SNTG1: variants seen among roughly 807,000 people sequenced by gnomAD.
The protein encoded by SNTG1 is syntrophin gamma 1.
SNTG1 carries 39 observed loss-of-function variants against 74.7 expected under a neutral mutation model. The ratio of observed to expected loss-of-function variants is 0.52; its 90% CI spans 0.40 to 0.68. The LOEUF (loss-of-function observed/expected upper bound fraction) is 0.68. Ranked by LOEUF, SNTG1 falls within the 30% of genes least tolerant of loss-of-function variation. SNTG1 has a pLI of 0.00. For missense variants in SNTG1, 685 were observed against 609.5 expected (o/e 1.12, Z -1.30); for synonymous variants, 254 against 217.1 (o/e 1.17, Z -1.49).
intron 11 of SNTG1, among the ~76,000 whole-genome samples, chr8:50,541,549 G>A (rs907348183): frequency 2.0e-5 from 3 of 151,884 alleles, no homozygotes; most frequent in East Asian, 1.9e-4. Context: ...CATAATAGAT[G>A]CATAGTTTTA....
chr8:50,716,575 TG>T (rs1450728972), intron 17 of SNTG1, among the ~76,000 whole-genome samples: 5 of 152,238 alleles, frequency 3.3e-5, no homozygotes, highest in Admixed American at 2.0e-4. Context: ...CTCAGGTACT[TG>T]TTTCCTAATC....
intron 14 of SNTG1, among the ~76,000 whole-genome samples, chr8:50,657,787 A>T (rs1311391739): frequency 6.6e-6 from 1 of 152,108 alleles, no homozygotes; most frequent in Non-Finnish European, 1.5e-5. Flanking sequence ...TATATTCTAT[A>T]TCCTAGTTAT....
chr8:50,622,386 A>G (rs7002065), intron 13 of SNTG1, among the ~76,000 whole-genome samples: 16,082 of 152,234 alleles, frequency 0.11, 2,066 homozygotes, highest in African/African-American at 0.29. Context: ...GTTTAATAAC[A>G]TACTTTGATA....
At chr8:50,455,306 G>A (rs1030810110) in intron 8 of SNTG1, among the ~76,000 whole-genome samples, 7 of 152,090 alleles carry the variant, frequency 4.6e-5, no homozygotes, top group Non-Finnish European at 7.4e-5. Context: ...TAGCATTTCT[G>A]CTTTCAGACT....
intron 1 of SNTG1, among the ~76,000 whole-genome samples, chr8:49,949,521 T>C (rs1219378548): frequency 2.0e-5 from 3 of 152,280 alleles, no homozygotes; most frequent in African/African-American, 7.2e-5. Context: ...CATGTGAAAT[T>C]ATTTGGAGTG....
At chr8:50,736,317 C>T (rs765605858) in intron 17 of SNTG1, among the ~76,000 whole-genome samples, 2 of 150,950 alleles carry the variant, frequency 1.3e-5, no homozygotes, top group South Asian at 2.1e-4. Flanking sequence ...ATTAAAAGAT[C>T]AAAAAACACA....
At chr8:50,705,260 C>G (rs1396486460) in intron 16 of SNTG1, among the ~76,000 whole-genome samples, 5 of 152,196 alleles carry the variant, frequency 3.3e-5, no homozygotes, top group African/African-American at 1.2e-4. Flanking sequence ...AATACTCCTT[C>G]TACAACTATC....
At chr8:50,610,602 G>T (rs376271186) in intron 13 of SNTG1, among the ~76,000 whole-genome samples, 146 of 152,208 alleles carry the variant, frequency 9.6e-4, no homozygotes, top group African/African-American at 3.0e-3. Context: ...TACCAAATTT[G>T]TTATTTCAGT....
chr8:50,101,131 A>G (rs1188166247), intron 1 of SNTG1, among the ~76,000 whole-genome samples: 1 of 152,114 alleles, frequency 6.6e-6, no homozygotes, highest in African/African-American at 2.4e-5. Flanking sequence ...TTATGGCTGC[A>G]TAGTATTCCA....
At chr8:50,612,064 C>G (rs892110243) in intron 13 of SNTG1, among the ~76,000 whole-genome samples, 1 of 152,132 alleles carries the variant, frequency 6.6e-6, no homozygotes, top group Non-Finnish European at 1.5e-5. Flanking sequence ...GGACAAGACC[C>G]TGTCTTTAAA....
chr8:49,989,095 CAG>C (rs1325710844), intron 1 of SNTG1, among the ~76,000 whole-genome samples: 1 of 151,700 alleles, frequency 6.6e-6, no homozygotes, highest in Non-Finnish European at 1.5e-5. Context: ...ATTATGTATC[CAG>C]AGTCACTAAA....
intron 8 of SNTG1, among the ~76,000 whole-genome samples, chr8:50,472,917 AC>A (rs542690903): frequency 2.8e-4 from 42 of 152,272 alleles, no homozygotes; most frequent in East Asian, 1.4e-3. Context: ...GGCCAAAAAA[AC>A]ATATGAAAAA....
chr8:50,370,386 T>C (rs932394977), intron 2 of SNTG1, among the ~76,000 whole-genome samples: 17 of 152,142 alleles, frequency 1.1e-4, no homozygotes. Context: ...GAATGGGATC[T>C]TGAAAGTCAG....
chr8:50,250,436 A>G (rs1472881697), intron 2 of SNTG1, among the ~76,000 whole-genome samples: 1 of 152,170 alleles, frequency 6.6e-6, no homozygotes, highest in Non-Finnish European at 1.5e-5. Flanking sequence ...GTCTTAGGGG[A>G]GATATGGACA....
intron 1 of SNTG1, among the ~76,000 whole-genome samples, chr8:50,154,904 G>C (rs982917203): frequency 6.6e-6 from 1 of 152,166 alleles, no homozygotes; most frequent in African/African-American, 2.4e-5. Context: ...CTATAGTTCA[G>C]TTCATGGCAA....
intron 1 of SNTG1, among the ~76,000 whole-genome samples, chr8:49,971,570 A>G (rs936584250): frequency 1.2e-4 from 19 of 152,184 alleles, no homozygotes; most frequent in Non-Finnish European, 2.4e-4. Flanking sequence ...AGAGGAAGTC[A>G]AATTGTCCCT....
In SNTG1 at chr8:50,186,473, A is replaced by G. The variant is rs569482252; in HGVS notation, c.-28+13838A>G. Among the ~76,000 whole-genome samples, 212 of 152,224 alleles carry G rather than the reference A, an allele frequency of 1.4e-3. 2 individuals are homozygous for G. Among genetic ancestry groups the G allele is most frequent in the Admixed American group, 2.7e-3 (41 of 15,256 alleles). On this transcript the variant is annotated intron_variant, in intron 2 of 18. Transcript: ENST00000642720. ...CACTGTCTTCCACAATGTTTGAACT[A>G]ATTTACATTCACACCAACAGTGTAA...
At chr8:50,782,997 A>C (rs1165189492) in intron 18 of SNTG1, among the ~76,000 whole-genome samples, 1 of 152,176 alleles carries the variant, frequency 6.6e-6, no homozygotes, top group Non-Finnish European at 1.5e-5. Context: ...GGGTACCAGC[A>C]GCGGTGGCTG....
At chr8:50,313,468 A>G (rs574395169) in intron 2 of SNTG1, among the ~76,000 whole-genome samples, 1 of 149,950 alleles carries the variant, frequency 6.7e-6, no homozygotes, top group South Asian at 2.2e-4. Flanking sequence ...CATAGCAGGA[A>G]AACAATCCTG....
Sources: allele counts gnomAD v4.1 joint callset (sites outside exome capture counted in the v4.1 genomes callset), GRCh38; gene constraint gnomAD v4.1.1; transcripts MANE v1.5; gene names NCBI Gene and HGNC (gene_info 2026-07-23, HGNC 2026-07-21).